The following ZFHX3 variants were observed in gnomAD, a reference collection of about 807,000 sequenced individuals.
ZFHX3 encodes zinc finger homeobox 3, also known as zinc finger homeobox protein 3.
ZFHX3 carries 42 observed loss-of-function variants against 279.1 expected under a neutral mutation model. That is an observed-to-expected ratio of 0.15 (90% CI 0.12 to 0.19). The LOEUF (loss-of-function observed/expected upper bound fraction) is 0.19. Among genes scored for constraint, ZFHX3 ranks in the 10% least tolerant of loss-of-function variants. The probability of loss-of-function intolerance (pLI) is 1.00; values close to 1 mark genes in which losing one functional copy is unlikely to be tolerated. For missense variants in ZFHX3, 4,981 were observed against 4,754.0 expected, an observed-to-expected ratio of 1.05 and a Z score of -1.40; for synonymous variants, 2,293 against 1,957.8, an observed-to-expected ratio of 1.17 and a Z score of -4.52.
chr16:72,833,178 G>A (rs1257522627), intron 4 of ZFHX3, among the ~76,000 whole-genome samples: 1 of 152,210 alleles, frequency 6.6e-6, no homozygotes, highest in East Asian at 1.9e-4. Flanking sequence ...GAAACACGTG[G>A]GAACCAGGGG....
chr16:73,817,778 G>A (rs970555113), intron 1 of ZFHX3, among the ~76,000 whole-genome samples: 20 of 152,072 alleles, frequency 1.3e-4, no homozygotes, highest in African/African-American at 4.6e-4. Context: ...GTCTATAAAC[G>A]CCGAAAGAAA....
At chr16:73,434,156 T>G (rs2017957708) in intron 3 of ZFHX3, among the ~76,000 whole-genome samples, 1 of 152,198 alleles carries the variant, frequency 6.6e-6, no homozygotes. Context: ...TATTTGCTGA[T>G]CGATCTTGGA....
intron 3 of ZFHX3, among the ~76,000 whole-genome samples, chr16:73,342,245 G>C (rs2016045236): frequency 6.6e-6 from 1 of 152,116 alleles, no homozygotes; most frequent in African/African-American, 2.4e-5. Context: ...GTTAAGGATG[G>C]GGTCTTTGCA....
intron 4 of ZFHX3, among the ~76,000 whole-genome samples, chr16:73,280,907 C>A (rs1398555564): frequency 1.3e-5 from 2 of 151,644 alleles, no homozygotes. Context: ...ATCTTTTGAA[C>A]CTGGGAGGTA....
chr16:73,027,129 G>A (rs1470859478), intron 1 of ZFHX3, among the ~76,000 whole-genome samples: 1 of 152,200 alleles, frequency 6.6e-6, no homozygotes, highest in East Asian at 1.9e-4. Flanking sequence ...TCCCATAATC[G>A]TATTCATCTT....
intron 1 of ZFHX3, among the ~76,000 whole-genome samples, chr16:73,744,756 T>A (rs1042115587): frequency 6.6e-6 from 1 of 152,192 alleles, no homozygotes; most frequent in African/African-American, 2.4e-5. Flanking sequence ...CTGACAGCTT[T>A]TGCATTCTGA....
chr16:73,738,577 G>T (rs2053627821), intron 1 of ZFHX3, among the ~76,000 whole-genome samples: 1 of 152,208 alleles, frequency 6.6e-6, no homozygotes, highest in Admixed American at 6.5e-5. Context: ...GAATGATTGG[G>T]TCTGCCCTTT....
At chr16:72,874,501 C>A (rs2038256081) in intron 4 of ZFHX3, among the ~76,000 whole-genome samples, 1 of 151,998 alleles carries the variant, frequency 6.6e-6, no homozygotes, top group African/African-American at 2.4e-5. Flanking sequence ...CGCGCCTGGC[C>A]TGGAGGAGCC....
chr16:73,561,094 T>C (rs1320483424), intron 2 of ZFHX3, among the ~76,000 whole-genome samples: 1 of 152,216 alleles, frequency 6.6e-6, no homozygotes, highest in Non-Finnish European at 1.5e-5. Context: ...AAAGAAATTA[T>C]TTGTTGATTA....
chr16:72,970,703 T>C (rs913939262), intron 1 of ZFHX3, among the ~76,000 whole-genome samples: 7 of 152,236 alleles, frequency 4.6e-5, no homozygotes, highest in Non-Finnish European at 7.3e-5. Context: ...CCAACACTTA[T>C]GTGTTTCCTT....
At chr16:73,092,959 T>A (rs7189194) in intron 8 of ZFHX3, 1 of 520,108 alleles carries the variant, frequency 1.9e-6, no homozygotes, top group South Asian at 1.4e-5. Context: ...TATCCCTTCG[T>A]TTATGCTCTG....
intron 8 of ZFHX3, among the ~76,000 whole-genome samples, chr16:73,077,483 A>G (rs1965898322): frequency 1.3e-5 from 2 of 151,778 alleles, no homozygotes; most frequent in South Asian, 4.2e-4. Context: ...AAATGAAGTG[A>G]CTCTCCCGTG....
intron 1 of ZFHX3, among the ~76,000 whole-genome samples, chr16:73,005,037 G>C (rs564731965): frequency 4.2e-4 from 64 of 152,308 alleles, no homozygotes; most frequent in African/African-American, 1.4e-3. Context: ...CAGTGATAGA[G>C]ATCACTGGTT....
chr16:72,829,888 T>G, intron 4 of ZFHX3, 29 bp from the exon 5 acceptor site: 1 of 1,613,168 alleles, frequency 6.2e-7, no homozygotes, highest in East Asian at 2.2e-5. Context: ...ATGTCAAGGG[T>G]TAAAAATAAA....
intron 1 of ZFHX3, among the ~76,000 whole-genome samples, chr16:73,712,224 T>TA (rs138895143): frequency 2.0e-4 from 30 of 151,328 alleles, no homozygotes; most frequent in Non-Finnish European, 3.0e-4. Context: ...GCTGCAGTTT[T>TA]AAAAAAAAAC....
At chr16:73,146,360 G>A (rs934820335) in intron 5 of ZFHX3, among the ~76,000 whole-genome samples, 3 of 151,958 alleles carry the variant, frequency 2.0e-5, no homozygotes, top group Non-Finnish European at 2.9e-5. Flanking sequence ...CCCGGGAGGC[G>A]GAGGTTGCAG....
chr16:73,880,002 T>C (rs1050978246), intron 1 of ZFHX3, among the ~76,000 whole-genome samples: 8 of 152,166 alleles, frequency 5.3e-5, no homozygotes, highest in Non-Finnish European at 1.2e-4. Context: ...TTCATGGTGG[T>C]GTGTGAAACA....
intron 2 of ZFHX3, among the ~76,000 whole-genome samples, chr16:73,649,937 G>T (rs1270354351): frequency 6.6e-6 from 1 of 152,198 alleles, no homozygotes; most frequent in Non-Finnish European, 1.5e-5. Flanking sequence ...GATAGATCTG[G>T]ATGTGAGTCA....
intron 1 of ZFHX3, among the ~76,000 whole-genome samples, chr16:73,850,537 A>C (rs1961568106): frequency 6.6e-6 from 1 of 152,204 alleles, no homozygotes; most frequent in Admixed American, 6.5e-5. Flanking sequence ...TGAGAGCTGC[A>C]GGATGGGGCA....
Sources: gnomAD v4.1 joint callset for allele counts (sites outside exome capture counted in the v4.1 genomes callset) on GRCh38, gnomAD v4.1.1 for gene constraint, MANE v1.5 for transcripts, NCBI Gene and HGNC (gene_info 2026-07-23, HGNC 2026-07-21) for gene names.